Variants in TTN observed in about 807,000 individuals in gnomAD.
The protein encoded by TTN is titin, also known as connectin.
A neutral mutation model predicts 3,223.0 loss-of-function variants in TTN; 1,525 were observed. That is an observed-to-expected ratio of 0.47 (90% CI 0.45 to 0.49). The LOEUF is 0.49. TTN is among the 20% of genes least tolerant of loss of function. The pLI is 0.00. For synonymous variants in TTN, 14,094 were observed against 15,161.0 expected, an observed-to-expected ratio of 0.93 and a Z score of 5.17; for missense variants, 40,786 against 43,424.0, an observed-to-expected ratio of 0.94 and a Z score of 5.40.
At chr2:178,688,609 G>T in intron 126 of TTN, 68 bp downstream of exon 126, 1 of 1,065,226 alleles carries the variant, frequency 9.4e-7, no homozygotes, top group Non-Finnish European at 1.5e-6. Flanking sequence ...ACAATCACAT[G>T]TGGAAGAAGA....
intron 47 of TTN, chr2:178,751,221 T>A (rs142723709): frequency 6.2e-7 from 1 of 1,610,050 alleles, no homozygotes; most frequent in Non-Finnish European, 8.5e-7. Context: ...CTTGAGCTTA[T>A]TTCAGAAGAC....
intron 116 of TTN, 23 bp downstream of exon 116, chr2:178,694,806 G>T (rs1191708225): frequency 6.5e-7 from 1 of 1,536,484 alleles, no homozygotes; most frequent in Non-Finnish European, 8.8e-7. Flanking sequence ...GTACATGGGT[G>T]CTAGGAATGT....
In TTN at chr2:178,567,969, G is replaced by C. The variant is rs765696931; in HGVS notation, c.78163C>G (p.Leu26055Val). 7 of 1,613,488 alleles carry C rather than the reference G, an allele frequency of 4.3e-6. No homozygotes were observed. The highest frequency in any genetic ancestry group is 5.1e-6 in the Non-Finnish European group (6 of 1,179,602). Reference sequence around the variant, plus strand: ...AATTCATATTCAATGCCTTCTTCAAGATTCTGTGCTTTGAATTGGGTGTCA... The same window carrying C: ...AATTCATATTCAATGCCTTCTTCAACATTCTGTGCTTTGAATTGGGTGTCA... ...IHDTQFKAQN[L>V]EEGIEYEFRV... Residue 26055 changes from leucine (L) to valine (V), a missense_variant, in exon 326 of 363, where the codon CTT (leucine) becomes GTT (valine). By Grantham distance (32) the Leu-to-Val change is conservative. Transcript: ENST00000589042.
rs373527654 is a variant in TTN at position 178,571,605 on chromosome 2, T to C, written c.74527A>G (p.Asn24843Asp). 37 of 1,613,250 alleles carry C rather than the reference T, an allele frequency of 2.3e-5. No homozygotes were observed. In the East Asian group the frequency reaches 4.0e-4, roughly 18 times the overall value. Residue 24843 changes from asparagine to aspartate, a missense_variant, in exon 326 of 363, where the codon AAT becomes GAT. Physicochemically the swap from Asn to Asp is conservative, Grantham distance 23. Transcript: ENST00000589042. ...PKYDGGSSIN[N>D]YIVEKRDTST... ...GTGTCCCGTTTCTCAACAATGTAAT[T>C]ATTGATAGAACTTCCACCATCATAC...
chr2:178,615,022 G>T, intron 259 of TTN, 54 bp from the exon 260 acceptor site: 1 of 1,452,194 alleles, frequency 6.9e-7, no homozygotes. Flanking sequence ...TCGTTTCATT[G>T]TGTAGTACTC....
intron 47 of TTN, chr2:178,749,207 T>C (rs781190458): frequency 6.2e-7 from 1 of 1,610,960 alleles, no homozygotes; most frequent in South Asian, 1.1e-5. Context: ...TTTTCCAAAA[T>C]TATTTCTTAT....
intron 346 of TTN, 29 bp downstream of exon 346, chr2:178,543,805 G>A (rs1250781033): frequency 6.2e-7 from 1 of 1,609,520 alleles, no homozygotes; most frequent in African/African-American, 1.3e-5. Flanking sequence ...TCTACTCATT[G>A]TATAGCCAAT....
At chr2:178,670,785 G>A (rs1467077325) in intron 156 of TTN, among the ~76,000 whole-genome samples, 2 of 151,872 alleles carry the variant, frequency 1.3e-5, no homozygotes, top group Admixed American at 1.3e-4. Context: ...AAAAACATGT[G>A]TTTATCAGTA....
chr2:178,685,090 A>G lies in TTN; in HGVS notation c.32471-101T>C. On this transcript the variant is annotated intron_variant, in intron 129 of 362. Transcript: ENST00000589042. ...CTTTTTGAAAAGATTGCACATATAT[A>G]CAAACGTTAATGACTATACTCAGTA... The G allele has an allele frequency of 2.5e-6, 3 of 1,181,614 alleles. No homozygotes were observed. In the South Asian group the frequency reaches 4.2e-5, roughly 17 times the overall value. 73.2% of individuals were successfully genotyped at this position (1,181,614 alleles called of 1,614,324 possible).
chr2:178,607,026 G>A lies in TTN; in HGVS notation c.53576C>T (p.Pro17859Leu). 1 of 1,607,850 alleles carries A rather than the reference G, an allele frequency of 6.2e-7. No individual in the cohort carries two copies. Among genetic ancestry groups the A allele is most frequent in the Non-Finnish European group, 8.5e-7 (1 of 1,178,090 alleles). Residue 17859 changes from proline to leucine, a missense_variant, in exon 278 of 363, where the codon CCA (proline) becomes CTA (leucine). By Grantham distance (98) the Pro-to-Leu change is moderately conservative. Coordinates refer to ENST00000589042, the MANE Select transcript of TTN (RefSeq NM_001267550.2). ...AATGAAACCTTCTCTTTTACCTAGT[G>A]GATCAACTGCAAGAATTGGTCCTAT... ...VEIGPILAVD[P>L]LGPPTSPERL... is the part of the protein sequence containing the mutation.
chr2:178,622,027 G>A lies in TTN; in HGVS notation c.44914-19C>T. 6.3e-7 allele frequency: 1 copy of A among 1,579,874 alleles called. No homozygotes were observed. On this transcript the variant is annotated intron_variant, in intron 243 of 362. Coordinates refer to ENST00000589042, the MANE Select transcript of TTN (RefSeq NM_001267550.2). ...ACTTAACCTATATTTAAGATAAATA[G>A]ATTATCAGTTTTCTTGTTGTTCCTT...
chr2:178,777,119 T>G, intron 27 of TTN, 30 bp downstream of exon 27: 1 of 1,614,050 alleles, frequency 6.2e-7, no homozygotes, highest in South Asian at 1.1e-5. Flanking sequence ...ATTTGTATAA[T>G]GAGCTTAGCT....
Position 178,732,133 on chromosome 2 carries a change from A to C in TTN, c.16836T>G (p.Gly5612=). 6.2e-7 allele frequency: 1 copy of C among 1,613,744 alleles called. No individual in the cohort carries two copies. The change falls in exon 57 of 363, where the codon GGT becomes GGG. Residue 5612 remains glycine, a synonymous_variant. Coordinates refer to ENST00000589042, the MANE Select transcript of TTN (RefSeq NM_001267550.2). ...CATTTTGGGCCTCACACATATATTC[A>C]CCACTGTCTTCGATGCCAACATCTG... The part of the protein sequence containing the change: ...RLTDVGIEDS[G]EYMCEAQNEA...
rs1475528585 is a variant in TTN at position 178,784,172 on chromosome 2, C to T, written c.2673G>A (p.Lys891=). 1.9e-6 allele frequency: 3 copies of T among 1,614,160 alleles called. No individual in the cohort carries two copies. The highest frequency in any genetic ancestry group is 2.5e-6 in the Non-Finnish European group (3 of 1,180,008). The change falls in exon 16 of 363, where the codon AAG becomes AAA. Residue 891 remains lysine (K), a synonymous_variant. Coordinates refer to ENST00000589042, the MANE Select transcript of TTN (RefSeq NM_001267550.2). ...FPFADTPDTY[K]SEAGVEVKKE... ...TTTTCACCTCAACGCCAGCTTCACT[C>T]TTGTAAGTATCTGGTGTGTCAGCGA...
At chr2:178,551,547 A>AG in intron 335 of TTN, 83 bp downstream of exon 335, 1 of 1,176,464 alleles carries the variant, frequency 8.5e-7, no homozygotes, top group South Asian at 1.7e-5. Flanking sequence ...AAGGTGATGC[A>AG]GAGAAGAAAA....
At position 178,582,620 on chromosome 2, in the gene TTN, A is replaced by G. The variant is rs367636472; in HGVS notation, c.65864-28T>C. 188 of 1,575,032 alleles carry G rather than the reference A, an allele frequency of 1.2e-4. No homozygotes were observed. In the Middle Eastern group the frequency reaches 3.4e-3, roughly 29 times the overall value. On this transcript the variant is annotated intron_variant, in intron 313 of 362. Coordinates refer to ENST00000589042, the MANE Select transcript of TTN (RefSeq NM_001267550.2). ...GAAGGAATAAGGAAGAAGAGTGAAT[A>G]TGTGGAATGGGGAATGAGTATAGAG...
rs762970451 is a variant in TTN at position 178,557,852 on chromosome 2, T to C, written c.87502A>G (p.Ser29168Gly). The change falls in exon 328 of 363, where the codon AGT becomes GGT. Residue 29168 changes from serine (S) to glycine (G), a missense_variant. Coordinates refer to ENST00000589042, the MANE Select transcript of TTN (RefSeq NM_001267550.2). ...KWEPPKYDGG[S>G]QVTNYILLKR... is the part of the protein sequence containing the mutation. ...AGTAGAATGTAGTTGGTAACTTGACTTCCACCGTCATACTTAGGTGGCTCC... is the reference window on the plus strand; with the variant it reads ...AGTAGAATGTAGTTGGTAACTTGACCTCCACCGTCATACTTAGGTGGCTCC... The C allele has an allele frequency of 4.3e-6, 7 of 1,613,956 alleles. No homozygotes were observed. In the East Asian group the frequency reaches 1.6e-4, roughly 36 times the overall value.
At chr2:178,769,527 G>T in intron 37 of TTN, 152 bp downstream of exon 37, 1 of 504,434 alleles carries the variant, frequency 2.0e-6, no homozygotes, top group Non-Finnish European at 3.0e-6. Context: ...GCCTCCCAAA[G>T]TGCTGGGATT....
rs1691122831 is a variant in TTN at position 178,535,681 on chromosome 2, A to G, written c.100934T>C (p.Ile33645Thr). 4 of 1,613,682 alleles carry G rather than the reference A, an allele frequency of 2.5e-6. No individual in the cohort carries two copies. The highest frequency in any genetic ancestry group is 2.2e-5 in the East Asian group (1 of 44,888). The change falls in exon 358 of 363, where the codon ATT becomes ACT. Residue 33645 changes from isoleucine to threonine, a missense_variant. By Grantham distance (89) the Ile-to-Thr change is moderately conservative. Coordinates refer to ENST00000589042, the MANE Select transcript of TTN (RefSeq NM_001267550.2). ...LIDNNGHYQV[I>T]VTRSFTSLVF... ...AAGTGATGTGAAGGATCTTGTGACAATAACTTGGTAGTGGCCATTATTGTC... is the reference window on the plus strand; with the variant it reads ...AAGTGATGTGAAGGATCTTGTGACAGTAACTTGGTAGTGGCCATTATTGTC...
Sources: gnomAD v4.1 joint callset for allele counts (sites outside exome capture counted in the v4.1 genomes callset) on GRCh38, gnomAD v4.1.1 for gene constraint, MANE v1.5 for transcripts, NCBI Gene and HGNC (gene_info 2026-07-23, HGNC 2026-07-21) for gene names.